Variants in EIF2B3 observed in about 807,000 individuals in gnomAD.
EIF2B3 encodes translation initiation factor eIF2B subunit gamma.
Under a neutral mutation model 54.1 loss-of-function variants are expected in EIF2B3, and 20 were observed. The ratio of observed to expected loss-of-function variants is 0.37; its 90% CI spans 0.26 to 0.54. The LOEUF is 0.54. Among genes scored for constraint, EIF2B3 ranks in the 20% least tolerant of loss-of-function variants. The pLI is 0.86. For synonymous variants in EIF2B3, 153 were observed against 188.1 expected, an observed-to-expected ratio of 0.81 and a Z score of 1.52; for missense variants, 448 against 547.8, an observed-to-expected ratio of 0.82 and a Z score of 1.82.
At chr1:44,859,205 G>A (rs999161704) in intron 10 of EIF2B3, among the ~76,000 whole-genome samples, 2 of 152,198 alleles carry the variant, frequency 1.3e-5, no homozygotes, top group Non-Finnish European at 2.9e-5. Flanking sequence ...GGAGGCTGAG[G>A]TAGGAGGATC....
At chr1:44,898,977 C>T (rs1295272708) in intron 5 of EIF2B3, among the ~76,000 whole-genome samples, 1 of 152,194 alleles carries the variant, frequency 6.6e-6, no homozygotes, top group Non-Finnish European at 1.5e-5. Flanking sequence ...CAGGAGCAAG[C>T]TGCCACACCT....
intron 5 of EIF2B3, among the ~76,000 whole-genome samples, chr1:44,905,040 T>C (rs1643387560): frequency 6.6e-6 from 1 of 152,206 alleles, no homozygotes; most frequent in African/African-American, 2.4e-5. Flanking sequence ...CAAGCACCTG[T>C]GGTGTGGCTA....
intron 1 of EIF2B3, among the ~76,000 whole-genome samples, chr1:44,981,598 T>TAA (rs936954916): frequency 5.3e-5 from 8 of 152,182 alleles, no homozygotes; most frequent in Admixed American, 2.0e-4. Context: ...TCTGAAGAAG[T>TAA]AAGAGTTTAC....
chr1:44,910,557 C>A (rs189896847), intron 5 of EIF2B3, among the ~76,000 whole-genome samples: 5 of 151,744 alleles, frequency 3.3e-5, no homozygotes, highest in Admixed American at 6.6e-5. Context: ...GCTGCCTCTG[C>A]ACCTGACCAT....
At chr1:44,970,283 C>G (rs398200) in intron 3 of EIF2B3, among the ~76,000 whole-genome samples, 72,166 of 151,838 alleles carry the variant, frequency 0.48, 17,936 homozygotes, top group African/African-American at 0.62. Context: ...AAAGGAAAAA[C>G]ATTATAAGTT....
chr1:44,876,353 C>T (rs1236838567), intron 8 of EIF2B3, among the ~76,000 whole-genome samples: 1 of 143,330 alleles, frequency 7.0e-6, no homozygotes, highest in South Asian at 2.3e-4. Context: ...GCCTCTGCCC[C>T]GCCGCCCCGT....
At chr1:44,951,902 C>T (rs1403104195) in intron 3 of EIF2B3, among the ~76,000 whole-genome samples, 1 of 149,742 alleles carries the variant, frequency 6.7e-6, no homozygotes, top group African/African-American at 2.5e-5. Context: ...ATTCTCCCAC[C>T]TCAGCCTCCC....
At chr1:44,945,539 G>A (rs1249728241) in intron 3 of EIF2B3, among the ~76,000 whole-genome samples, 1 of 144,578 alleles carries the variant, frequency 6.9e-6, no homozygotes, top group African/African-American at 2.6e-5. Flanking sequence ...GGGTAACAGC[G>A]CAAGACTCCG....
intron 1 of EIF2B3, among the ~76,000 whole-genome samples, chr1:44,983,910 G>A (rs12758547): frequency 0.22 from 33,613 of 151,570 alleles, 4,047 homozygotes; most frequent in Admixed American, 0.32. Context: ...GTTTCACCAT[G>A]TTGGCCAGGC....
intron 5 of EIF2B3, among the ~76,000 whole-genome samples, chr1:44,900,445 C>CAAAAAA (rs34226720): frequency 1.1e-4 from 5 of 43,570 alleles, no homozygotes; most frequent in East Asian, 6.6e-4. Flanking sequence ...AGAATCATCT[C>CAAAAAA]AAAAAAAAAA....
chr1:44,857,320 G>A (rs780018773), intron 11 of EIF2B3, among the ~76,000 whole-genome samples: 8 of 152,114 alleles, frequency 5.3e-5, no homozygotes, highest in Admixed American at 2.0e-4. Flanking sequence ...TCCTGAGGTC[G>A]GGAGTTCGCA....
At chr1:44,856,099 G>A (rs1654423483) in intron 11 of EIF2B3, among the ~76,000 whole-genome samples, 1 of 152,140 alleles carries the variant, frequency 6.6e-6, no homozygotes, top group South Asian at 2.1e-4. Context: ...TAATGGCACG[G>A]TATGTATGAG....
chr1:44,924,131 A>AGGGT (rs1384732619), intron 5 of EIF2B3, among the ~76,000 whole-genome samples: 2 of 151,762 alleles, frequency 1.3e-5, no homozygotes, highest in Non-Finnish European at 2.9e-5. Context: ...TAGTAGAGAC[A>AGGGT]GGGTTTCACC....
chr1:44,942,424 T>A lies in EIF2B3; in HGVS notation c.295-759A>T, dbSNP rs1312156183. ...ATATATATATATATATATATTTTTT[T>A]TTTTTTTTTTTTTTTTTTTTCCAGA... On this transcript the variant is annotated intron_variant, in intron 3 of 11. Transcript: ENST00000360403. 5.1e-4 allele frequency among the ~76,000 whole-genome samples: 28 copies of A among 55,276 alleles called. 2 individuals carry two copies. The highest frequency in any genetic ancestry group is 2.3e-3 in the African/African-American group (27 of 11,566). The allele number at this position is 55,276 out of a possible 152,430, so 36.3% of individuals were successfully genotyped here.
At chr1:44,916,700 A>G (rs1643630490) in intron 5 of EIF2B3, among the ~76,000 whole-genome samples, 1 of 150,918 alleles carries the variant, frequency 6.6e-6, no homozygotes, top group Non-Finnish European at 1.5e-5. Flanking sequence ...GTGCACACCC[A>G]TAGTGGTAGC....
chr1:44,893,855 TG>T (rs1165653819), intron 6 of EIF2B3, among the ~76,000 whole-genome samples: 6 of 89,558 alleles, frequency 6.7e-5, no homozygotes, highest in Non-Finnish European at 1.3e-4. Context: ...ATGGGGCTGG[TG>T]GGGGTGGGGA....
chr1:44,969,513 T>C (rs956201340), intron 3 of EIF2B3, among the ~76,000 whole-genome samples: 1 of 152,198 alleles, frequency 6.6e-6, no homozygotes, highest in African/African-American at 2.4e-5. Flanking sequence ...TTTGGTTTTT[T>C]ACTGTTTTTT....
At chr1:44,976,205 C>T (rs1317918677) in intron 3 of EIF2B3, among the ~76,000 whole-genome samples, 1 of 152,168 alleles carries the variant, frequency 6.6e-6, no homozygotes, top group African/African-American at 2.4e-5. Flanking sequence ...ACACATATCT[C>T]ACAAACGACT....
chr1:44,973,325 G>A (rs983627444), intron 3 of EIF2B3, among the ~76,000 whole-genome samples: 1 of 152,188 alleles, frequency 6.6e-6, no homozygotes, highest in African/African-American at 2.4e-5. Context: ...GAATGGCTAA[G>A]CAAAATGTGG....
Sources: allele counts gnomAD v4.1 joint callset (sites outside exome capture counted in the v4.1 genomes callset), GRCh38; gene constraint gnomAD v4.1.1; transcripts MANE v1.5; gene names NCBI Gene and HGNC (gene_info 2026-07-23, HGNC 2026-07-21).